The following RREB1 variants were observed in gnomAD, a reference collection of about 807,000 sequenced individuals.
RREB1 encodes ras-responsive element-binding protein 1.
RREB1 carries 27 observed loss-of-function variants against 117.8 expected under a neutral mutation model. The observed-to-expected ratio is 0.23, with a 90% confidence interval of 0.17 to 0.32. The LOEUF (loss-of-function observed/expected upper bound fraction) is 0.32. RREB1 is among the 10% of genes least tolerant of loss of function. The pLI is 1.00. For missense variants in RREB1, 2,577 were observed against 2,378.2 expected (o/e 1.08, Z -1.74); for synonymous variants, 1,298 against 1,026.7 (o/e 1.26, Z -5.05).
chr6:7,126,962 A>G (rs1013932772), intron 1 of RREB1, among the ~76,000 whole-genome samples: 21 of 152,214 alleles, frequency 1.4e-4, no homozygotes, highest in African/African-American at 5.1e-4. Flanking sequence ...TGATGCTCTC[A>G]AATGTGCAGG....
At chr6:7,120,112 T>G (rs1761608588) in intron 1 of RREB1, among the ~76,000 whole-genome samples, 1 of 137,552 alleles carries the variant, frequency 7.3e-6, no homozygotes, top group South Asian at 2.7e-4. Context: ...CCGCCCGCCT[T>G]TTTTAGCTAT....
rs1767797150 is a variant in RREB1, at chr6:7,229,661, C to T, written c.1562C>T (p.Thr521Ile). 2.5e-6 allele frequency: 4 copies of T among 1,611,784 alleles called. No individual in the cohort carries two copies. The highest frequency in any genetic ancestry group is 2.5e-6 in the Non-Finnish European group (3 of 1,179,264). Reference sequence around the variant, plus strand: ...GTCACACCACGGACGGTGGTGGCCACCTCCACGCCCCCGCCTCTCATCAAC... The same window carrying T: ...GTCACACCACGGACGGTGGTGGCCATCTCCACGCCCCCGCCTCTCATCAAC... Reference protein sequence around the residue: ...PLVTPRTVVATSTPPPLINAQ... With the variant: ...PLVTPRTVVAISTPPPLINAQ... Residue 521 changes from threonine to isoleucine, a missense_variant, in exon 10 of 13, where the codon ACC becomes ATC. Coordinates refer to ENST00000379938, the MANE Select transcript of RREB1 (RefSeq NM_001003699.4). The surrounding 1 kb of genome is among the most constrained non-coding windows in gnomAD (Gnocchi z 4.5).
chr6:7,142,050 A>G (rs1200239710), intron 1 of RREB1, among the ~76,000 whole-genome samples: 1 of 128,856 alleles, frequency 7.8e-6, no homozygotes, highest in Non-Finnish European at 1.7e-5. Context: ...CGTCTGTACT[A>G]AAAAAAATAC....
chr6:7,153,818 C>G (rs1175977469), intron 1 of RREB1, among the ~76,000 whole-genome samples: 1 of 152,200 alleles, frequency 6.6e-6, no homozygotes, highest in Non-Finnish European at 1.5e-5. Flanking sequence ...GTGTAGAATC[C>G]TCTGCAGGTC....
chr6:7,228,708 A>G (rs541283466), intron 9 of RREB1, among the ~76,000 whole-genome samples: 1 of 151,356 alleles, frequency 6.6e-6, no homozygotes, highest in Non-Finnish European at 1.5e-5. Flanking sequence ...AGGTCTTGCT[A>G]TGTTGCCCAG....
intron 1 of RREB1, among the ~76,000 whole-genome samples, chr6:7,137,954 C>A (rs911302278): frequency 5.9e-5 from 9 of 152,094 alleles, no homozygotes; most frequent in Admixed American, 1.3e-4. Flanking sequence ...AACTGTTTAG[C>A]TCCTTTTCAA....
chr6:7,141,278 C>A (rs530973286), intron 1 of RREB1, among the ~76,000 whole-genome samples: 3 of 152,168 alleles, frequency 2.0e-5, no homozygotes, highest in Non-Finnish European at 4.4e-5. Context: ...GGCGTTCCCC[C>A]GTGAGTAGAG....
At chr6:7,126,149 GCA>G in intron 1 of RREB1, among the ~76,000 whole-genome samples, 1 of 150,926 alleles carries the variant, frequency 6.6e-6, no homozygotes, top group African/African-American at 2.4e-5. Flanking sequence ...TTACAGGTGC[GCA>G]CCACCACACC....
chr6:7,213,280 T>G (rs934293120), intron 8 of RREB1: 2 of 152,240 alleles, frequency 1.3e-5, no homozygotes, highest in Non-Finnish European at 2.9e-5. Flanking sequence ...TTCTCCTGCC[T>G]CAGCCTCCCG....
chr6:7,117,873 T>A (rs146932200), intron 1 of RREB1, among the ~76,000 whole-genome samples: 144 of 152,200 alleles, frequency 9.5e-4, no homozygotes, highest in African/African-American at 3.3e-3. Context: ...TATGAGCCAC[T>A]GAGCCTGACA....
chr6:7,199,906 T>G (rs1024905415), intron 6 of RREB1, among the ~76,000 whole-genome samples: 11 of 152,186 alleles, frequency 7.2e-5, no homozygotes, highest in Non-Finnish European at 1.5e-5. Context: ...GAATTTTTAC[T>G]TTGCATTTTA....
chr6:7,199,243 G>A (rs186038177), intron 6 of RREB1, among the ~76,000 whole-genome samples: 1 of 152,152 alleles, frequency 6.6e-6, no homozygotes, highest in South Asian at 2.1e-4. Context: ...TTCATCTTTA[G>A]TGGGGGTAAC....
At chr6:7,108,655 C>A (rs1760960806) in intron 1 of RREB1, 1 of 152,362 alleles carries the variant, frequency 6.6e-6, no homozygotes, top group South Asian at 2.1e-4. Flanking sequence ...CTTCTCGGGC[C>A]GGGAAGCGCG....
At chr6:7,207,332 TC>T (rs1561780914) in intron 6 of RREB1, among the ~76,000 whole-genome samples, 1 of 152,330 alleles carries the variant, frequency 6.6e-6, no homozygotes, top group East Asian at 1.9e-4. Flanking sequence ...TCATTTCTAC[TC>T]TCACCAACGA....
intron 8 of RREB1, chr6:7,214,425 G>C (rs1331256343): frequency 1.3e-5 from 2 of 152,224 alleles, no homozygotes; most frequent in Admixed American, 6.5e-5. Context: ...GGCATCCTTT[G>C]TGGGGGCACA....
At chr6:7,146,236 C>T (rs1223872801) in intron 1 of RREB1, among the ~76,000 whole-genome samples, 1 of 152,196 alleles carries the variant, frequency 6.6e-6, no homozygotes, top group African/African-American at 2.4e-5. Context: ...GCCTTGCCAT[C>T]TGTTTCTAGA....
intron 1 of RREB1, among the ~76,000 whole-genome samples, chr6:7,125,044 A>G (rs981755666): frequency 1.3e-5 from 2 of 152,230 alleles, no homozygotes; most frequent in Non-Finnish European, 2.9e-5. Context: ...TGGAAACAGC[A>G]GATTACAGCT....
chr6:7,112,559 G>T (rs533822803), intron 1 of RREB1, among the ~76,000 whole-genome samples: 1 of 152,286 alleles, frequency 6.6e-6, no homozygotes. Flanking sequence ...ATTTCCACAG[G>T]GGGGTGAGGG....
chr6:7,199,100 T>C (rs1033010397), intron 6 of RREB1, among the ~76,000 whole-genome samples: 1 of 152,186 alleles, frequency 6.6e-6, no homozygotes, highest in African/African-American at 2.4e-5. Flanking sequence ...GTGCTTTTGT[T>C]TTTACTTCAG....
Sources: allele counts gnomAD v4.1 joint callset (sites outside exome capture counted in the v4.1 genomes callset), GRCh38; gene constraint gnomAD v4.1.1; non-coding constraint Gnocchi (gnomAD v3.1); transcripts MANE v1.5; gene names NCBI Gene and HGNC (gene_info 2026-07-23, HGNC 2026-07-21).